The following LRRC4C variants were observed in gnomAD, a reference collection of about 807,000 sequenced individuals.
The protein encoded by LRRC4C is leucine-rich repeat-containing protein 4C.
Under a neutral mutation model 33.6 loss-of-function variants are expected in LRRC4C, and 5 were observed. The ratio of observed to expected loss-of-function variants is 0.15; its 90% confidence interval spans 0.08 to 0.31. The LOEUF (loss-of-function observed/expected upper bound fraction) is 0.31, where lower values mean the gene tolerates loss of function less well. Among genes scored for constraint, LRRC4C ranks in the 10% least tolerant of loss-of-function variants. The probability of loss-of-function intolerance (pLI) is 1.00; values close to 1 mark genes in which losing one functional copy is unlikely to be tolerated. For missense variants in LRRC4C, 560 were observed against 796.7 expected, an observed-to-expected ratio of 0.70 and a Z score of 3.58; for synonymous variants, 329 against 302.0, an observed-to-expected ratio of 1.09 and a Z score of -0.93.
At chr11:41,091,073 T>A (rs1294937333) in intron 1 of LRRC4C, among the ~76,000 whole-genome samples, 6 of 152,136 alleles carry the variant, frequency 3.9e-5, no homozygotes, top group African/African-American at 1.4e-4. Context: ...AAAACTGAGA[T>A]GGCACACTGG....
At chr11:40,757,604 T>G (rs1248842437) in intron 2 of LRRC4C, among the ~76,000 whole-genome samples, 1 of 151,644 alleles carries the variant, frequency 6.6e-6, no homozygotes, top group Non-Finnish European at 1.5e-5. Flanking sequence ...TTTGAGTTTT[T>G]TTTTTTTTTT....
Position 41,284,733 on chromosome 11 carries a change from G to T in LRRC4C, c.-496+174698C>A, listed in dbSNP as rs115463439. On this transcript the variant is annotated intron_variant, in intron 1 of 6. Coordinates refer to ENST00000528697, the MANE Select transcript of LRRC4C (RefSeq NM_001258419.2). ...CAGGTCAGCTCAGGGCATGTGACTG[G>T]ATTCCTGAAGAAAAGTTTGAACATG... Among the ~76,000 whole-genome samples, 330 of 152,280 alleles carry T rather than the reference G, an allele frequency of 2.2e-3. 2 individuals carry two copies. Among genetic ancestry groups the T allele is most frequent in the African/African-American group, 7.6e-3 (316 of 41,556 alleles).
At chr11:41,007,257 A>G (rs149946148) in intron 1 of LRRC4C, among the ~76,000 whole-genome samples, 2 of 152,282 alleles carry the variant, frequency 1.3e-5, no homozygotes, top group East Asian at 3.9e-4. Flanking sequence ...CAAAGGATAA[A>G]CAGGCAGTTT....
At chr11:41,165,558 G>C (rs1944683002) in intron 1 of LRRC4C, among the ~76,000 whole-genome samples, 1 of 152,072 alleles carries the variant, frequency 6.6e-6, no homozygotes. Context: ...GGCTCAAAAA[G>C]TTTCAATAAT....
chr11:40,273,827 T>C (rs906409743), intron 4 of LRRC4C, among the ~76,000 whole-genome samples: 54 of 152,122 alleles, frequency 3.5e-4, no homozygotes, highest in African/African-American at 1.3e-3. Context: ...TGAAAATAGA[T>C]ATGACTTTTG....
intron 3 of LRRC4C, among the ~76,000 whole-genome samples, chr11:40,423,308 G>A (rs1950587648): frequency 6.7e-6 from 1 of 148,170 alleles, no homozygotes; most frequent in Non-Finnish European, 1.5e-5. Context: ...GGTGTTATTT[G>A]AATGTGAAAA....
chr11:40,272,870 T>C (rs2136355957), intron 4 of LRRC4C, among the ~76,000 whole-genome samples: 1 of 152,148 alleles, frequency 6.6e-6, no homozygotes, highest in South Asian at 2.1e-4. Context: ...GGTAACTTGA[T>C]TGAAACTAAT....
At chr11:40,410,253 G>C (rs1223349845) in intron 3 of LRRC4C, among the ~76,000 whole-genome samples, 2 of 151,880 alleles carry the variant, frequency 1.3e-5, no homozygotes, top group Non-Finnish European at 2.9e-5. Flanking sequence ...AAAAGAAACA[G>C]GAAAACCATT....
intron 3 of LRRC4C, among the ~76,000 whole-genome samples, chr11:40,409,357 A>G (rs1453923026): frequency 6.6e-6 from 1 of 152,014 alleles, no homozygotes; most frequent in Non-Finnish European, 1.5e-5. Flanking sequence ...ATATCCCCCA[A>G]GAGCAGAGGC....
chr11:41,324,193 G>A (rs1049898909), intron 1 of LRRC4C, among the ~76,000 whole-genome samples: 2 of 152,144 alleles, frequency 1.3e-5, no homozygotes, highest in Non-Finnish European at 2.9e-5. Context: ...CACTTTGGGA[G>A]GCTGACGCGG....
intron 1 of LRRC4C, among the ~76,000 whole-genome samples, chr11:41,290,137 C>T (rs575513258): frequency 6.6e-6 from 1 of 152,176 alleles, no homozygotes; most frequent in African/African-American, 2.4e-5. Context: ...AGACAATGGA[C>T]CACATACCAA....
At chr11:40,966,540 T>C (rs76334445) in intron 1 of LRRC4C, among the ~76,000 whole-genome samples, 3,607 of 152,096 alleles carry the variant, frequency 0.024, 72 homozygotes, top group South Asian at 0.08. Context: ...TTTAGGATTG[T>C]CACAGTTCCT....
chr11:40,779,238 C>A (rs990797386), intron 2 of LRRC4C, among the ~76,000 whole-genome samples: 5 of 152,070 alleles, frequency 3.3e-5, no homozygotes, highest in Admixed American at 2.6e-4. Context: ...AAGTTTTTGG[C>A]TTCATCTACT....
chr11:40,249,552 ATAT>A (rs1394433761), intron 4 of LRRC4C, among the ~76,000 whole-genome samples: 2 of 149,520 alleles, frequency 1.3e-5, no homozygotes, highest in African/African-American at 4.9e-5. Context: ...TATTTAATAA[ATAT>A]TATATATACT....
chr11:40,944,884 T>C (rs1565227441), intron 1 of LRRC4C, among the ~76,000 whole-genome samples: 2 of 152,170 alleles, frequency 1.3e-5, no homozygotes, highest in Non-Finnish European at 2.9e-5. Context: ...ATTATAAAAA[T>C]ATAGACTTCT....
At chr11:41,445,048 C>T (rs1955776316) in intron 1 of LRRC4C, among the ~76,000 whole-genome samples, 1 of 152,142 alleles carries the variant, frequency 6.6e-6, no homozygotes, top group Non-Finnish European at 1.5e-5. Flanking sequence ...GGTGATCCGC[C>T]TGCCTTGGCC....
chr11:40,196,743 T>C (rs1306259585), intron 5 of LRRC4C, among the ~76,000 whole-genome samples: 1 of 152,218 alleles, frequency 6.6e-6, no homozygotes, highest in Non-Finnish European at 1.5e-5. Context: ...GTCTGGCCTA[T>C]AGTAGGTAGA....
intron 5 of LRRC4C, among the ~76,000 whole-genome samples, chr11:40,207,274 G>T (rs543801543): frequency 6.6e-6 from 1 of 152,254 alleles, no homozygotes; most frequent in Admixed American, 6.5e-5. Flanking sequence ...CCATGCTGTG[G>T]AAAATTGTGA....
chr11:40,761,076 A>G (rs1276267394), intron 2 of LRRC4C, among the ~76,000 whole-genome samples: 1 of 151,616 alleles, frequency 6.6e-6, no homozygotes, highest in Non-Finnish European at 1.5e-5. Context: ...CCACTTGGTT[A>G]TTATTATGTT....
Sources: allele counts gnomAD v4.1 joint callset (sites outside exome capture counted in the v4.1 genomes callset), GRCh38; gene constraint gnomAD v4.1.1; transcripts MANE v1.5; gene names NCBI Gene and HGNC (gene_info 2026-07-23, HGNC 2026-07-21).